ZNF644: variants seen among roughly 807,000 people sequenced by gnomAD.
ZNF644 encodes zinc finger protein 644.
In ZNF644, 20 loss-of-function variants were observed where a neutral mutation model predicts 108.0. The ratio of observed to expected loss-of-function variants is 0.19; its 90% CI spans 0.13 to 0.27. The LOEUF is 0.27. ZNF644 is among the 10% of genes least tolerant of loss of function. ZNF644 has a pLI of 1.00. For synonymous variants in ZNF644, 542 were observed against 539.1 expected, an observed-to-expected ratio of 1.01 and a Z score of -0.08; for missense variants, 1,338 against 1,548.9, an observed-to-expected ratio of 0.86 and a Z score of 2.29.
At chr1:90,942,546 A>G (rs553364546) in intron 2 of ZNF644, among the ~76,000 whole-genome samples, 2 of 152,320 alleles carry the variant, frequency 1.3e-5, no homozygotes, top group South Asian at 4.1e-4. Flanking sequence ...TGCTCAGGCA[A>G]TATTTGTTGA....
At chr1:91,004,220 G>C (rs1454939075) in intron 1 of ZNF644, among the ~76,000 whole-genome samples, 1 of 146,918 alleles carries the variant, frequency 6.8e-6, no homozygotes, top group Non-Finnish European at 1.5e-5. Flanking sequence ...AAAGCTCAAG[G>C]AACTACACAG....
At position 90,973,407 on chromosome 1, in the gene ZNF644, C is replaced by T. The variant is rs76557091; in HGVS notation, c.44+8903G>A. On this transcript the variant is annotated intron_variant, in intron 2 of 5. Transcript: ENST00000337393. ...TATAACATAAGCCTTTAATAGCAGA[C>T]TCTCAAGTTAAACTACCCCGTTCAA... is the stretch of plus-strand genomic sequence containing the variant. Among the ~76,000 whole-genome samples the T allele has an allele frequency of 4.8e-3, 724 of 152,220 alleles. 4 individuals carry two copies. The highest frequency in any genetic ancestry group is 0.014 in the Middle Eastern group (4 of 294).
chr1:90,942,966 T>A (rs1402989970), intron 2 of ZNF644, among the ~76,000 whole-genome samples: 1 of 152,190 alleles, frequency 6.6e-6, no homozygotes, highest in Non-Finnish European at 1.5e-5. Flanking sequence ...ATGAAGCCTG[T>A]ATATTTTTCT....
chr1:90,973,707 T>TA (rs1170070959), intron 2 of ZNF644, among the ~76,000 whole-genome samples: 12 of 152,202 alleles, frequency 7.9e-5, no homozygotes, highest in Admixed American at 2.0e-4. Flanking sequence ...TTTACCAGTT[T>TA]AAAAAATAGA....
intron 1 of ZNF644, among the ~76,000 whole-genome samples, chr1:91,008,464 C>T (rs1659646415): frequency 6.6e-6 from 1 of 152,190 alleles, no homozygotes; most frequent in Non-Finnish European, 1.5e-5. Flanking sequence ...CCCAAGAACT[C>T]TGGAGCCATA....
At chr1:90,970,697 A>G (rs924884194) in intron 2 of ZNF644, among the ~76,000 whole-genome samples, 2 of 152,168 alleles carry the variant, frequency 1.3e-5, no homozygotes, top group Non-Finnish European at 2.9e-5. Flanking sequence ...CAAGTGTTGT[A>G]ATTAGTGTGA....
In ZNF644 at chr1:90,969,995, A is replaced by G. The variant is rs923479051; in HGVS notation, c.44+12315T>C. Among the ~76,000 whole-genome samples, 3 of 152,218 alleles carry G rather than the reference A, an allele frequency of 2.0e-5. 1 individual carries two copies. The highest frequency in any genetic ancestry group is 2.0e-4 in the Admixed American group (3 of 15,264). On this transcript the variant is annotated intron_variant, in intron 2 of 5. Transcript: ENST00000337393. ...TACTGTGATATACATGAATATTTCT[A>G]TCTTCTGAAAACACAAAACTAAGGT...
intron 1 of ZNF644, among the ~76,000 whole-genome samples, chr1:91,017,305 AC>A (rs1419600484): frequency 2.0e-5 from 3 of 152,238 alleles, no homozygotes; most frequent in Non-Finnish European, 4.4e-5. Flanking sequence ...ATTTTTACTT[AC>A]AAAATCTCAG....
In ZNF644 at chr1:90,939,935, T is replaced by G. The variant is rs1479866506; in HGVS notation, c.1419A>C (p.Arg473Ser). 6.2e-7 allele frequency: 1 copy of G among 1,613,956 alleles called. No individual in the cohort carries two copies. Among genetic ancestry groups the G allele is most frequent in the Non-Finnish European group, 8.5e-7 (1 of 1,179,980 alleles). ...GAATTTCCTCCATCAACTTCTGTCT[T>G]CTCTCCTGGTGAATAATCATATGTT... ...LLKHMIIHQE[R>S]RQKLMEEIRE... The change falls in exon 3 of 6, where the codon AGA becomes AGC. Residue 473 changes from arginine to serine, a missense_variant. By Grantham distance (110) the Arg-to-Ser change is moderately radical. This residue lies in a region of ZNF644 where 80 missense variants were observed against 183.0 expected (regional missense o/e 0.44). Coordinates refer to ENST00000337393, the MANE Select transcript of ZNF644 (RefSeq NM_201269.3).
intron 2 of ZNF644, among the ~76,000 whole-genome samples, chr1:90,969,740 C>T (rs1350987661): frequency 1.3e-5 from 2 of 152,108 alleles, no homozygotes; most frequent in Admixed American, 6.6e-5. Context: ...TTTTAAATCT[C>T]TCATTGTGTC....
In ZNF644 at chr1:90,962,351, A is replaced by T. The variant is rs79747201; in HGVS notation, c.44+19959T>A. ...AAAAACAGAGTCCATAAACAGACCC[A>T]TATGTATATGGTCACTTTATTTATG... is the stretch of plus-strand genomic sequence containing the variant. On this transcript the variant is annotated intron_variant, in intron 2 of 5. Coordinates refer to ENST00000337393, the MANE Select transcript of ZNF644 (RefSeq NM_201269.3). 3.1e-3 allele frequency among the ~76,000 whole-genome samples: 475 copies of T among 152,162 alleles called. 14 individuals carry two copies. The East Asian group carries it at 0.057, about 18-fold the overall frequency.
In ZNF644 at chr1:90,917,384, C is replaced by A. The variant is rs561034479; in HGVS notation, c.3792-394G>T. Among the ~76,000 whole-genome samples, 7 of 152,066 alleles carry A rather than the reference C, an allele frequency of 4.6e-5. No homozygotes were observed. The South Asian group carries it at 1.5e-3, about 32-fold the overall frequency. ...GTGTGAGTGTGAGTACGGAAGAAGG[C>A]GTGACTATGAGGGGAGAGAAAATGT... On this transcript the variant is annotated intron_variant, in intron 5 of 5. Transcript: ENST00000337393.
intron 1 of ZNF644, among the ~76,000 whole-genome samples, chr1:90,985,947 C>T (rs1657049121): frequency 6.6e-6 from 1 of 152,108 alleles, no homozygotes; most frequent in African/African-American, 2.4e-5. Context: ...TTCTCCACAT[C>T]CTTGCCAACA....
At chr1:90,955,564 T>A (rs1021399167) in intron 2 of ZNF644, among the ~76,000 whole-genome samples, 4 of 152,246 alleles carry the variant, frequency 2.6e-5, no homozygotes, top group African/African-American at 9.6e-5. Flanking sequence ...TTTGAGCTTT[T>A]ATGTTATAAC....
chr1:90,991,705 C>T (rs956289565), intron 1 of ZNF644, among the ~76,000 whole-genome samples: 9 of 152,060 alleles, frequency 5.9e-5, no homozygotes, highest in African/African-American at 2.2e-4. Context: ...TTTTAAACAA[C>T]CAGATCTCGT....
At chr1:90,966,576 C>G (rs956814330) in intron 2 of ZNF644, among the ~76,000 whole-genome samples, 1 of 151,708 alleles carries the variant, frequency 6.6e-6, no homozygotes, top group African/African-American at 2.4e-5. Context: ...ATAGTGAAAC[C>G]CTGTCTCTAT....
At chr1:90,993,643 AGGG>A (rs1421468893) in intron 1 of ZNF644, among the ~76,000 whole-genome samples, 4 of 152,300 alleles carry the variant, frequency 2.6e-5, no homozygotes, top group African/African-American at 9.6e-5. Context: ...TTTGAAGACA[AGGG>A]GGGAAAAAGG....
chr1:90,969,520 A>C (rs1258464431), intron 2 of ZNF644, among the ~76,000 whole-genome samples: 1 of 152,178 alleles, frequency 6.6e-6, no homozygotes, highest in African/African-American at 2.4e-5. Flanking sequence ...AACCTTTTAA[A>C]TTGCACACAG....
chr1:91,011,722 C>G (rs1054056501), intron 1 of ZNF644, among the ~76,000 whole-genome samples: 6 of 152,126 alleles, frequency 3.9e-5, no homozygotes, highest in African/African-American at 9.7e-5. Flanking sequence ...TAGTTATATT[C>G]TACTTTTCTG....
Sources: gnomAD v4.1 joint callset for allele counts (sites outside exome capture counted in the v4.1 genomes callset) on GRCh38, gnomAD v4.1.1 for gene constraint, gnomAD v4.1.1 regional missense constraint, MANE v1.5 for transcripts, NCBI Gene and HGNC (gene_info 2026-07-23, HGNC 2026-07-21) for gene names.